The following RGS6 variants were observed in gnomAD, a reference collection of about 807,000 sequenced individuals.
RGS6 encodes the protein regulator of G-protein signaling 6.
A neutral mutation model predicts 78.5 loss-of-function variants in RGS6; 30 were observed. The ratio of observed to expected loss-of-function variants is 0.38; its 90% CI spans 0.29 to 0.52. The LOEUF (loss-of-function observed/expected upper bound fraction) is 0.52. Among genes scored for constraint, RGS6 ranks in the 20% least tolerant of loss-of-function variants. The pLI is 0.85. For missense variants in RGS6, 495 were observed against 609.7 expected (o/e 0.81, Z 1.98); for synonymous variants, 206 against 206.0 (o/e 1.00, Z 0.00).
chr14:71,988,378 C>T lies in RGS6; in HGVS notation c.84+23503C>T, dbSNP rs192044817. Reference sequence around the variant, plus strand: ...CAACTTGCTGTTGGGCCTAATCTGTCCCCATGCCTTTGATCCCTTGAGCCT... The same window carrying T: ...CAACTTGCTGTTGGGCCTAATCTGTTCCCATGCCTTTGATCCCTTGAGCCT... On this transcript the variant is annotated intron_variant, in intron 2 of 17. Coordinates refer to ENST00000553525, the MANE Select transcript of RGS6 (RefSeq NM_001204424.2). Among the ~76,000 whole-genome samples the T allele has an allele frequency of 1.4e-3, 220 of 152,286 alleles. 1 individual carries two copies. Among genetic ancestry groups the T allele is most frequent in the African/African-American group, 5.0e-3 (207 of 41,552 alleles).
At chr14:72,604,215 A>G in the RGS6 span, among the ~76,000 whole-genome samples, 1 of 152,202 alleles carries the variant, frequency 6.6e-6, no homozygotes. Context: ...TCTGAGGTAC[A>G]GCCTGGGTTG....
At chr14:72,576,102 A>G in the RGS6 span, among the ~76,000 whole-genome samples, 2 of 152,220 alleles carry the variant, frequency 1.3e-5, no homozygotes, top group Non-Finnish European at 2.9e-5. Flanking sequence ...ACTGCCTCAC[A>G]CCAAATTCGC....
chr14:71,953,969 GTTTTT>G (rs3053026), intron 1 of RGS6, among the ~76,000 whole-genome samples: 11 of 76,078 alleles, frequency 1.4e-4, no homozygotes, highest in Non-Finnish European at 2.1e-4. Flanking sequence ...CTAAGTGGGC[GTTTTT>G]TTTTTTTTTT....
intron 3 of RGS6, among the ~76,000 whole-genome samples, chr14:72,441,423 A>G (rs1024867309): frequency 2.6e-5 from 4 of 152,234 alleles, no homozygotes; most frequent in Non-Finnish European, 4.4e-5. Context: ...AAAGAAAAAA[A>G]TGGAATTAGG....
chr14:72,579,582 C>T, the RGS6 span, among the ~76,000 whole-genome samples: 1 of 152,164 alleles, frequency 6.6e-6, no homozygotes, highest in Admixed American at 6.5e-5. Context: ...TTCCACAGCC[C>T]AGGGATAATG....
chr14:72,383,829 G>A (rs904157071), intron 3 of RGS6, among the ~76,000 whole-genome samples: 2 of 152,060 alleles, frequency 1.3e-5, no homozygotes, highest in Admixed American at 6.6e-5. Context: ...GATTTTAAAC[G>A]TAATAATAAA....
intron 6 of RGS6, among the ~76,000 whole-genome samples, chr14:72,464,536 G>A (rs1002266355): frequency 2.0e-5 from 3 of 152,196 alleles, no homozygotes; most frequent in Non-Finnish European, 4.4e-5. Flanking sequence ...ATCCAGCAAA[G>A]AGTTGACTAG....
chr14:72,503,015 A>G (rs900087598), intron 13 of RGS6, among the ~76,000 whole-genome samples: 5 of 152,190 alleles, frequency 3.3e-5, no homozygotes, highest in African/African-American at 1.2e-4. Context: ...TGGCTTAAAA[A>G]CAATATAAAA....
intron 2 of RGS6, among the ~76,000 whole-genome samples, chr14:72,340,888 A>C (rs1000159521): frequency 1.3e-5 from 2 of 152,150 alleles, no homozygotes; most frequent in Non-Finnish European, 2.9e-5. Context: ...TCCCTCCAGA[A>C]AGTTATGTTC....
At chr14:72,217,588 A>C (rs534543032) in intron 2 of RGS6, among the ~76,000 whole-genome samples, 10 of 152,298 alleles carry the variant, frequency 6.6e-5, no homozygotes, top group Non-Finnish European at 1.3e-4. Flanking sequence ...GCTCATTGTA[A>C]CCAGGAATGC....
At chr14:72,589,426 T>C in the RGS6 span, among the ~76,000 whole-genome samples, 1 of 152,308 alleles carries the variant, frequency 6.6e-6, no homozygotes, top group Admixed American at 6.5e-5. Flanking sequence ...GGCACACACC[T>C]GTAATCCCAG....
At chr14:72,273,074 G>A (rs1361172418) in intron 2 of RGS6, among the ~76,000 whole-genome samples, 1 of 151,814 alleles carries the variant, frequency 6.6e-6, no homozygotes, top group Non-Finnish European at 1.5e-5. Flanking sequence ...GGAGGTTGCA[G>A]TGAGCTGAGG....
At chr14:72,589,287 T>C in the RGS6 span, among the ~76,000 whole-genome samples, 14 of 152,328 alleles carry the variant, frequency 9.2e-5, no homozygotes, top group East Asian at 2.5e-3. Context: ...CCATGGCTCA[T>C]GCCTGTAATC....
intron 3 of RGS6, among the ~76,000 whole-genome samples, chr14:72,444,682 G>A (rs987282937): frequency 4.6e-5 from 3 of 65,706 alleles, no homozygotes; most frequent in Non-Finnish European, 9.2e-5. Context: ...TAAGTCCTTC[G>A]CTTTCCTTCT....
intron 2 of RGS6, among the ~76,000 whole-genome samples, chr14:72,292,690 T>C (rs575042695): frequency 6.6e-6 from 1 of 152,354 alleles, no homozygotes; most frequent in East Asian, 1.9e-4. Context: ...CAAAGTTTTC[T>C]TCACATAAGC....
chr14:72,579,229 C>T, the RGS6 span, among the ~76,000 whole-genome samples: 1 of 152,094 alleles, frequency 6.6e-6, no homozygotes, highest in African/African-American at 2.4e-5. Flanking sequence ...GAGAACAAGG[C>T]CAGGTCTTCC....
chr14:71,989,482 G>A lies in RGS6; in HGVS notation c.84+24607G>A, dbSNP rs919408193. ...TTTTTATAATTTCTTCTAGCACTCTGCATCCTGCATGTTATATTTGTAAAA... is the reference window on the plus strand; with the variant it reads ...TTTTTATAATTTCTTCTAGCACTCTACATCCTGCATGTTATATTTGTAAAA... On this transcript the variant is annotated intron_variant, in intron 2 of 17. Transcript: ENST00000553525. Among the ~76,000 whole-genome samples, 57 of 152,212 alleles carry A rather than the reference G, an allele frequency of 3.7e-4. 1 individual carries two copies. The highest frequency in any genetic ancestry group is 3.1e-4 in the Non-Finnish European group (21 of 68,042).
intron 17 of RGS6, among the ~76,000 whole-genome samples, chr14:72,544,988 T>C (rs1043677867): frequency 6.6e-6 from 1 of 152,084 alleles, no homozygotes; most frequent in Admixed American, 6.5e-5. Flanking sequence ...AGGAAGGCGG[T>C]GTTGTTTTCC....
intron 2 of RGS6, among the ~76,000 whole-genome samples, chr14:72,090,437 C>T (rs1375099096): frequency 6.6e-6 from 1 of 152,184 alleles, no homozygotes; most frequent in East Asian, 1.9e-4. Context: ...CTATTGTGAA[C>T]TGCACATGCG....
Sources: allele counts gnomAD v4.1 joint callset (sites outside exome capture counted in the v4.1 genomes callset), GRCh38; gene constraint gnomAD v4.1.1; transcripts MANE v1.5; gene names NCBI Gene and HGNC (gene_info 2026-07-23, HGNC 2026-07-21).